The following RBFOX1 variants were observed in gnomAD, a reference collection of about 807,000 sequenced individuals.
The protein encoded by RBFOX1 is RNA binding protein fox-1 homolog 1.
Under a neutral mutation model 57.7 loss-of-function variants are expected in RBFOX1, and 8 were observed. The observed-to-expected ratio is 0.14, with a 90% confidence interval of 0.08 to 0.25. The LOEUF (loss-of-function observed/expected upper bound fraction) is 0.25, where lower values mean the gene tolerates loss of function less well. Among genes scored for constraint, RBFOX1 ranks in the 10% least tolerant of loss-of-function variants. RBFOX1 has a pLI of 1.00. For synonymous variants in RBFOX1, 326 were observed against 222.4 expected (o/e 1.47, Z -4.15); for missense variants, 611 against 548.5 (o/e 1.11, Z -1.14).
At chr16:6,910,360 C>T (rs570316141) in intron 3 of RBFOX1, among the ~76,000 whole-genome samples, 2 of 152,306 alleles carry the variant, frequency 1.3e-5, no homozygotes, top group South Asian at 4.1e-4. Flanking sequence ...CCACACCCAT[C>T]TTCCTATTTC....
chr16:5,453,214 T>A (rs138065907), intron 1 of RBFOX1, among the ~76,000 whole-genome samples: 2 of 152,282 alleles, frequency 1.3e-5, no homozygotes, highest in East Asian at 3.9e-4. Flanking sequence ...GAGTTTATAG[T>A]GAGGAAACAG....
At chr16:6,805,594 A>G (rs966019855) in intron 3 of RBFOX1, among the ~76,000 whole-genome samples, 1 of 152,126 alleles carries the variant, frequency 6.6e-6, no homozygotes, top group African/African-American at 2.4e-5. Flanking sequence ...AGATCATCAG[A>G]CAATGAAGAG....
chr16:7,403,162 T>C (rs1334499061), intron 4 of RBFOX1, among the ~76,000 whole-genome samples: 1 of 152,206 alleles, frequency 6.6e-6, no homozygotes, highest in Non-Finnish European at 1.5e-5. Flanking sequence ...TTTTGATATA[T>C]GTATACATTA....
chr16:6,374,934 G>T (rs1320100842), intron 2 of RBFOX1, among the ~76,000 whole-genome samples: 2 of 152,170 alleles, frequency 1.3e-5, no homozygotes, highest in African/African-American at 4.8e-5. Context: ...GTTAGCAACT[G>T]GCAGTTTTAA....
chr16:6,246,600 G>T (rs2097570391), intron 1 of RBFOX1, among the ~76,000 whole-genome samples: 1 of 152,146 alleles, frequency 6.6e-6, no homozygotes, highest in African/African-American at 2.4e-5. Context: ...AAAGGAAAAG[G>T]GGTGATTCCA....
chr16:5,900,959 C>T (rs892199284), intron 4 of RBFOX1, among the ~76,000 whole-genome samples: 2 of 152,212 alleles, frequency 1.3e-5, no homozygotes, highest in African/African-American at 4.8e-5. Context: ...GTGGCTCTAT[C>T]TCAGAGGTGG....
At chr16:6,632,289 C>G (rs941934603) in intron 2 of RBFOX1, among the ~76,000 whole-genome samples, 10 of 150,802 alleles carry the variant, frequency 6.6e-5, no homozygotes, top group Non-Finnish European at 1.5e-4. Flanking sequence ...AAGGTCAAAA[C>G]ATCTGTGAAA....
At chr16:5,650,014 C>T (rs191870594) in intron 3 of RBFOX1, among the ~76,000 whole-genome samples, 1 of 152,206 alleles carries the variant, frequency 6.6e-6, no homozygotes, top group Non-Finnish European at 1.5e-5. Flanking sequence ...GCAAACACCA[C>T]ATTGCTCTCT....
intron 8 of RBFOX1, among the ~76,000 whole-genome samples, chr16:7,596,172 G>A (rs1366292840): frequency 1.7e-5 from 2 of 115,474 alleles, no homozygotes; most frequent in Non-Finnish European, 1.9e-5. Context: ...TAAACCTCTC[G>A]TTTTTTTTTT....
At chr16:6,256,394 C>A (rs1056173555) in intron 1 of RBFOX1, among the ~76,000 whole-genome samples, 1 of 149,578 alleles carries the variant, frequency 6.7e-6, no homozygotes, top group Admixed American at 6.8e-5. Context: ...CAGAAGGAGG[C>A]AGGCATGCCC....
intron 4 of RBFOX1, among the ~76,000 whole-genome samples, chr16:7,206,694 G>T (rs1276014956): frequency 1.3e-5 from 2 of 152,236 alleles, no homozygotes; most frequent in Middle Eastern, 3.4e-3. Context: ...CAAGCACAGA[G>T]TGAGGATTTA....
intron 3 of RBFOX1, among the ~76,000 whole-genome samples, chr16:5,609,733 C>A (rs1006968465): frequency 6.6e-6 from 1 of 152,068 alleles, no homozygotes; most frequent in African/African-American, 2.4e-5. Flanking sequence ...ACATGCTGTT[C>A]CCCTGACCAC....
At chr16:6,681,315 C>G (rs554708772) in intron 3 of RBFOX1, among the ~76,000 whole-genome samples, 2 of 149,584 alleles carry the variant, frequency 1.3e-5, no homozygotes, top group East Asian at 2.0e-4. Context: ...AAGAGCCTGT[C>G]TGGAAAAAAA....
At chr16:6,846,588 A>T (rs895534950) in intron 3 of RBFOX1, among the ~76,000 whole-genome samples, 1 of 152,218 alleles carries the variant, frequency 6.6e-6, no homozygotes, top group Non-Finnish European at 1.5e-5. Context: ...GGAGCTACAA[A>T]TGTGGAAACG....
intron 1 of RBFOX1, among the ~76,000 whole-genome samples, chr16:5,465,359 T>C (rs1194927999): frequency 6.6e-6 from 1 of 152,194 alleles, no homozygotes; most frequent in Non-Finnish European, 1.5e-5. Context: ...TCTAACAGCC[T>C]CATTTTAATT....
intron 4 of RBFOX1, among the ~76,000 whole-genome samples, chr16:7,327,113 A>T (rs765621294): frequency 3.9e-5 from 6 of 152,202 alleles, no homozygotes; most frequent in Non-Finnish European, 7.3e-5. Flanking sequence ...GTGATGGTGC[A>T]CTTAGTTCTG....
intron 3 of RBFOX1, among the ~76,000 whole-genome samples, chr16:6,678,048 T>C (rs1008935409): frequency 2.6e-5 from 4 of 152,228 alleles, no homozygotes; most frequent in African/African-American, 9.6e-5. Context: ...CTGAAATTAA[T>C]TTTCCTCATA....
chr16:6,402,842 C>A (rs184984788), intron 2 of RBFOX1, among the ~76,000 whole-genome samples: 1 of 152,108 alleles, frequency 6.6e-6, no homozygotes, highest in Non-Finnish European at 1.5e-5. Context: ...ACCTAAAATT[C>A]ATGTGGGAAG....
Position 5,401,164 on chromosome 16 carries a change from C to G in RBFOX1, c.220-66052C>G, listed in dbSNP as rs144780099. Among the ~76,000 whole-genome samples, 175 of 152,226 alleles carry G rather than the reference C, an allele frequency of 1.1e-3. 3 individuals are homozygous for G. In the East Asian group the frequency reaches 0.026, roughly 23 times the overall value. On this transcript the variant is annotated intron_variant, in intron 1 of 2. Coordinates refer to the RBFOX1 transcript ENST00000585867. ...AGAGCCTTCTCTATCTTAATATTGG[C>G]TAAAGGTTTATTTATACTTTCTGCA...
Sources: gnomAD v4.1 joint callset for allele counts (sites outside exome capture counted in the v4.1 genomes callset) on GRCh38, gnomAD v4.1.1 for gene constraint, MANE v1.5 for transcripts, NCBI Gene and HGNC (gene_info 2026-07-23, HGNC 2026-07-21) for gene names.